FBLIM1: variants seen among roughly 807,000 people sequenced by gnomAD.
FBLIM1 encodes filamin binding LIM protein 1.
FBLIM1 carries 29 observed loss-of-function variants against 37.4 expected under a neutral mutation model. That is an observed-to-expected ratio of 0.77 (90% CI 0.58 to 1.06). The LOEUF (loss-of-function observed/expected upper bound fraction) is 1.06. FBLIM1 is among the 50% of genes least tolerant of loss of function. FBLIM1 has a pLI of 0.00. For missense variants in FBLIM1, 449 were observed against 505.6 expected (o/e 0.89, Z 1.07); for synonymous variants, 193 against 199.0 (o/e 0.97, Z 0.25).
intron 1 of FBLIM1, among the ~76,000 whole-genome samples, chr1:15,762,455 G>T (rs1275451214): frequency 6.6e-6 from 1 of 152,028 alleles, no homozygotes; most frequent in Non-Finnish European, 1.5e-5. Flanking sequence ...TAGAGACAGG[G>T]TTTCACCATC....
intron 7 of FBLIM1, among the ~76,000 whole-genome samples, chr1:15,775,695 C>T (rs1189794523): frequency 1.3e-5 from 2 of 152,098 alleles, no homozygotes; most frequent in Non-Finnish European, 2.9e-5. Context: ...CCTGAAAGCT[C>T]CCGAACCCTG....
rs749461154 is a variant in FBLIM1, at chr1:15,765,215, A to G, written c.232A>G (p.Met78Val). ...RAAATVPAAPMQLFNGGCPPP... is the reference protein window; with the variant it reads ...RAAATVPAAPVQLFNGGCPPP... ...TGCAGCCACAGTGCCGGCTGCACCTATGCAGCTCTTCAATGGAGGTAAGAG... is the reference window on the plus strand; with the variant it reads ...TGCAGCCACAGTGCCGGCTGCACCTGTGCAGCTCTTCAATGGAGGTAAGAG... Residue 78 changes from methionine (M) to valine (V), a missense_variant, in exon 3 of 9, where the codon ATG becomes GTG. Transcript: ENST00000375766. The surrounding 1 kb of genome is among the most constrained non-coding windows in gnomAD (Gnocchi z 5.9). 2 of 1,612,864 alleles carry G rather than the reference A, an allele frequency of 1.2e-6. No individual in the cohort carries two copies. The highest frequency in any genetic ancestry group is 1.7e-6 in the Non-Finnish European group (2 of 1,179,366).
chr1:15,768,733 C>A, intron 5 of FBLIM1, 103 bp downstream of exon 5: 1 of 709,630 alleles, frequency 1.4e-6, no homozygotes, highest in Non-Finnish European at 2.1e-6. Context: ...CCATCCCCAC[C>A]CCAGCTCATG....
rs558013017 is a variant in FBLIM1 at position 15,765,351 on chromosome 1, C to T, written c.250+118C>T. ...CATCCTGACAAAATTCACACATCAA[C>T]GGGAAACAAAAAGATGTGCCCCTTC... On this transcript the variant is annotated intron_variant, in intron 3 of 8. Coordinates refer to ENST00000375766, the MANE Select transcript of FBLIM1 (RefSeq NM_017556.4). This position sits in a 1 kb window ranked among gnomAD's most constrained non-coding sequence, Gnocchi z 5.9. The T allele has an allele frequency of 1.8e-5, 25 of 1,389,248 alleles. No homozygotes were observed. Among genetic ancestry groups the T allele is most frequent in the Non-Finnish European group, 2.3e-5 (24 of 1,039,018 alleles). 86.1% of individuals were successfully genotyped at this position (1,389,248 alleles called of 1,614,324 possible). A position where few individuals can be genotyped will look rare whatever the true frequency, so the allele number is the denominator to read the frequency against.
intron 6 of FBLIM1, among the ~76,000 whole-genome samples, chr1:15,771,948 A>T (rs927196922): frequency 2.6e-5 from 4 of 151,800 alleles, no homozygotes; most frequent in Admixed American, 6.6e-5. Context: ...GTTTGATCTC[A>T]CGGGAATCTG....
At chr1:15,763,231 A>G (rs887576999) in intron 1 of FBLIM1, among the ~76,000 whole-genome samples, 1 of 151,350 alleles carries the variant, frequency 6.6e-6, no homozygotes, top group African/African-American at 2.4e-5. Context: ...CAGCACACCC[A>G]GCTAATTTTT....
At chr1:15,770,777 C>A (rs77549645) in intron 6 of FBLIM1, among the ~76,000 whole-genome samples, 199 bp downstream of exon 6, 8 of 152,204 alleles carry the variant, frequency 5.3e-5, no homozygotes, top group African/African-American at 1.9e-4. Flanking sequence ...ATCACCACAA[C>A]CTTCGTGGCT....
At chr1:15,784,322 C>T (rs1218434963) in intron 8 of FBLIM1, among the ~76,000 whole-genome samples, 5 of 152,228 alleles carry the variant, frequency 3.3e-5, no homozygotes, top group African/African-American at 7.2e-5. Context: ...TCCTCACCGG[C>T]GCCTCCACGT....
rs987291452 is a variant in FBLIM1, at chr1:15,783,713, G to T, written c.1009-835G>T. ...GCCTCCTGCCTCAGCCTCCCACATA[G>T]CTGGGAGTACAGGCGCCCGCCACCA... On this transcript the variant is annotated intron_variant, in intron 8 of 8. Transcript: ENST00000375766. Among the ~76,000 whole-genome samples the T allele has an allele frequency of 4.0e-5, 6 of 151,350 alleles. No homozygotes were observed. The South Asian group carries it at 1.0e-3, about 26-fold the overall frequency.
chr1:15,774,259 T>C (rs2069376620), intron 6 of FBLIM1, among the ~76,000 whole-genome samples: 1 of 89,894 alleles, frequency 1.1e-5, no homozygotes, highest in Admixed American at 1.3e-4. Context: ...AGTCTTCTTG[T>C]CTGTATGATA....
intron 7 of FBLIM1, among the ~76,000 whole-genome samples, chr1:15,776,418 T>C (rs1006050942): frequency 2.0e-4 from 31 of 152,150 alleles, no homozygotes; most frequent in African/African-American, 7.2e-4. Flanking sequence ...CCCAAGGACC[T>C]GACTTTGGGG....
At chr1:15,781,227 G>A (rs910269588) in intron 8 of FBLIM1, among the ~76,000 whole-genome samples, 4 of 152,054 alleles carry the variant, frequency 2.6e-5, no homozygotes, top group Non-Finnish European at 5.9e-5. Flanking sequence ...GTGTGGTGGC[G>A]TGTGTCTGTA....
chr1:15,757,432 A>C (rs905656904), upstream of FBLIM1, among the ~76,000 whole-genome samples: 2 of 152,140 alleles, frequency 1.3e-5, no homozygotes, highest in African/African-American at 4.8e-5. This position sits in a 1 kb window ranked among gnomAD's most constrained non-coding sequence, Gnocchi z 4.1. Context: ...GAGGATGGGT[A>C]CCAGCACCTA....
intron 1 of FBLIM1, among the ~76,000 whole-genome samples, chr1:15,760,531 GAAAAAAAAAA>G (rs34356141): frequency 4.8e-4 from 47 of 97,642 alleles, no homozygotes; most frequent in African/African-American, 1.7e-3. Context: ...TTCTGTCTCA[GAAAAAAAAAA>G]AAAAAAAAAA....
At chr1:15,763,045 T>G (rs1188135664) in intron 1 of FBLIM1, among the ~76,000 whole-genome samples, 2 of 150,420 alleles carry the variant, frequency 1.3e-5, no homozygotes, top group Non-Finnish European at 3.0e-5. Flanking sequence ...GACTTCATCC[T>G]GAGGTGGTGG....
chr1:15,786,286 C>T lies in FBLIM1; in HGVS notation c.*1625C>T, dbSNP rs2069764809. On this transcript the variant is annotated 3_prime_UTR_variant, in exon 9 of 9. Transcript: ENST00000375766. Reference sequence around the variant, plus strand: ...GTCTCACACGCTCCCACGAGAATGCCACAGGGGCCGTGCACTGGGCAGGCT... The same window carrying T: ...GTCTCACACGCTCCCACGAGAATGCTACAGGGGCCGTGCACTGGGCAGGCT... 6.6e-6 allele frequency: 1 copy of T among 152,210 alleles called. No homozygotes were observed. Among genetic ancestry groups the T allele is most frequent in the Admixed American group, 6.5e-5 (1 of 15,274 alleles). The allele number at this position is 152,210 out of a possible 1,614,324, so 9.4% of individuals were successfully genotyped here. A position where few individuals can be genotyped will look rare whatever the true frequency, so the allele number is the denominator to read the frequency against.
At chr1:15,775,888 C>T (rs1226246496) in intron 7 of FBLIM1, among the ~76,000 whole-genome samples, 2 of 152,154 alleles carry the variant, frequency 1.3e-5, no homozygotes, top group Non-Finnish European at 2.9e-5. Flanking sequence ...GGGCAGGATT[C>T]TCCCTGGAAT....
chr1:15,771,245 T>C (rs1557697218), intron 6 of FBLIM1, among the ~76,000 whole-genome samples: 1 of 95,722 alleles, frequency 1.0e-5, no homozygotes, highest in Non-Finnish European at 2.3e-5. Flanking sequence ...GCCTGTTTTT[T>C]TTTGTTTTTT....
chr1:15,762,828 G>T (rs2068739050), intron 1 of FBLIM1, among the ~76,000 whole-genome samples: 1 of 152,246 alleles, frequency 6.6e-6, no homozygotes, highest in South Asian at 2.1e-4. Context: ...ACCCTTGGCA[G>T]CAGGAAACTG....
Sources: gnomAD v4.1 joint callset for allele counts (sites outside exome capture counted in the v4.1 genomes callset) on GRCh38, gnomAD v4.1.1 for gene constraint, Gnocchi (gnomAD v3.1) non-coding constraint, MANE v1.5 for transcripts, NCBI Gene and HGNC (gene_info 2026-07-23, HGNC 2026-07-21) for gene names.